Variants in SYNPO2 observed in about 807,000 individuals in gnomAD.
SYNPO2 encodes the protein synaptopodin 2, also known as synaptopodin-2.
A neutral mutation model predicts 85.0 loss-of-function variants in SYNPO2; 56 were observed. That is an observed-to-expected ratio of 0.66 (90% confidence interval 0.53 to 0.82). The LOEUF (loss-of-function observed/expected upper bound fraction) is 0.82, where lower values mean the gene tolerates loss of function less well. Among genes scored for constraint, SYNPO2 ranks in the 40% least tolerant of loss-of-function variants. The pLI, the probability that SYNPO2 is intolerant of heterozygous loss-of-function variation, is 0.00. For synonymous variants in SYNPO2, 602 were observed against 591.1 expected, an observed-to-expected ratio of 1.02 and a Z score of -0.27; for missense variants, 1,575 against 1,534.2, an observed-to-expected ratio of 1.03 and a Z score of -0.44.
intron 1 of SYNPO2, among the ~76,000 whole-genome samples, chr4:118,900,703 C>CTCTCTCTCTCTCTCTCTATA (rs1277981772): frequency 2.3e-5 from 1 of 43,892 alleles, no homozygotes; most frequent in African/African-American, 7.9e-5. Context: ...CTCTCTCTCT[C>CTCTCTCTCTCTCTCTCTATA]TATATATATA....
intron 1 of SYNPO2, among the ~76,000 whole-genome samples, chr4:118,875,442 G>C (rs909762001): frequency 2.0e-5 from 3 of 151,936 alleles, no homozygotes; most frequent in Admixed American, 1.3e-4. Context: ...TCATTGGATT[G>C]TACACAACAT....
intron 1 of SYNPO2, among the ~76,000 whole-genome samples, chr4:119,020,494 A>C (rs1346507702): frequency 6.6e-6 from 1 of 152,182 alleles, no homozygotes; most frequent in Non-Finnish European, 1.5e-5. Flanking sequence ...TTATTTTTAA[A>C]GAATCAATTT....
intron 1 of SYNPO2, among the ~76,000 whole-genome samples, chr4:118,981,528 A>G (rs965672902): frequency 2.6e-5 from 4 of 152,182 alleles, no homozygotes; most frequent in Non-Finnish European, 5.9e-5. Flanking sequence ...GGCCACATGG[A>G]AGAGTTGAAT....
chr4:118,871,789 T>TA (rs1238834763), intron 1 of SYNPO2, among the ~76,000 whole-genome samples: 1 of 152,156 alleles, frequency 6.6e-6, no homozygotes, highest in Non-Finnish European at 1.5e-5. Flanking sequence ...CAGGATGATC[T>TA]CGATCTCCTG....
At chr4:118,976,558 C>T (rs577069017) in intron 1 of SYNPO2, among the ~76,000 whole-genome samples, 1 of 152,282 alleles carries the variant, frequency 6.6e-6, no homozygotes, top group East Asian at 1.9e-4. Flanking sequence ...AGCCGAGTGG[C>T]CTGTTTTGTC....
chr4:118,968,651 G>C (rs973391080), intron 1 of SYNPO2, among the ~76,000 whole-genome samples: 3 of 152,230 alleles, frequency 2.0e-5, no homozygotes, highest in Non-Finnish European at 2.9e-5. Context: ...GGTTAAAAGA[G>C]CAGTGTCTTC....
intron 1 of SYNPO2, among the ~76,000 whole-genome samples, chr4:118,875,055 G>A (rs573652394): frequency 2.0e-4 from 31 of 152,246 alleles, no homozygotes; most frequent in Non-Finnish European, 2.8e-4. Flanking sequence ...CCCCCACCAC[G>A]TGTCCATATG....
At chr4:119,006,501 T>G (rs1181304419) in intron 1 of SYNPO2, 1 of 152,178 alleles carries the variant, frequency 6.6e-6, no homozygotes, top group African/African-American at 2.4e-5. Flanking sequence ...AAACTACAGC[T>G]GCCTTATAAA....
At chr4:118,883,557 C>T (rs1488635644) in intron 1 of SYNPO2, among the ~76,000 whole-genome samples, 2 of 152,072 alleles carry the variant, frequency 1.3e-5, no homozygotes, top group Non-Finnish European at 2.9e-5. Context: ...TAAATAATCA[C>T]TTGAGTGAAT....
At chr4:119,004,101 T>C (rs1163361582) in intron 1 of SYNPO2, among the ~76,000 whole-genome samples, 1 of 152,204 alleles carries the variant, frequency 6.6e-6, no homozygotes, top group Non-Finnish European at 1.5e-5. Context: ...ACCTTTACTG[T>C]TCCACAAATT....
chr4:118,860,787 C>A (rs1259183318), intron 1 of SYNPO2, among the ~76,000 whole-genome samples: 1 of 152,092 alleles, frequency 6.6e-6, no homozygotes, highest in Non-Finnish European at 1.5e-5. Context: ...GATCTCTTGA[C>A]CTCGTGACCC....
chr4:119,030,934 A>G lies in SYNPO2; in HGVS notation c.2159A>G (p.Lys720Arg), dbSNP rs774325398. Residue 720 changes from lysine to arginine, a missense_variant, in exon 4 of 5, where the codon AAA becomes AGA. Transcript: ENST00000307142. ...TCACTCCTTCAAAATTCAGAAGGCA[A>G]ACGGGGCACTGGAGCTGGAGGTGAT... The part of the protein sequence containing the change: ...LLSLLQNSEG[K>R]RGTGAGGDSG... 6.2e-7 allele frequency: 1 copy of G among 1,614,194 alleles called. No homozygotes were observed. The highest frequency in any genetic ancestry group is 8.5e-7 in the Non-Finnish European group (1 of 1,180,034).
At chr4:118,907,017 G>T (rs1268004205) in intron 1 of SYNPO2, among the ~76,000 whole-genome samples, 1 of 150,058 alleles carries the variant, frequency 6.7e-6, no homozygotes, top group Non-Finnish European at 1.5e-5. Flanking sequence ...GTCTCGCTTT[G>T]TTGCCAAGGC....
rs1206323980 is a variant in SYNPO2 at position 119,041,464 on chromosome 4, C to T, written c.3252+9437C>T. On this transcript the variant is annotated intron_variant, in intron 4 of 4. Coordinates refer to ENST00000307142, the MANE Select transcript of SYNPO2 (RefSeq NM_133477.3). Reference sequence around the variant, plus strand: ...CATTGCAATCCTTCCACAATTAGATCTTTGGTTTGGAGTTTTTTTTTTAAT... The same window carrying T: ...CATTGCAATCCTTCCACAATTAGATTTTTGGTTTGGAGTTTTTTTTTTAAT... Among the ~76,000 whole-genome samples, 7 of 151,806 alleles carry T rather than the reference C, an allele frequency of 4.6e-5. No individual in the cohort carries two copies. The South Asian group carries it at 1.0e-3, about 23-fold the overall frequency.
At chr4:119,020,758 A>G (rs1343994338) in intron 1 of SYNPO2, among the ~76,000 whole-genome samples, 7 of 152,200 alleles carry the variant, frequency 4.6e-5, no homozygotes, top group Non-Finnish European at 1.5e-5. Flanking sequence ...AATAAATTTC[A>G]GTAACTGAAA....
At chr4:119,012,595 G>A (rs1451598882) in intron 1 of SYNPO2, among the ~76,000 whole-genome samples, 1 of 151,864 alleles carries the variant, frequency 6.6e-6, no homozygotes, top group Non-Finnish European at 1.5e-5. Flanking sequence ...TTCCCCTCCT[G>A]TGTCCATGTG....
chr4:118,904,135 C>T lies in SYNPO2; in HGVS notation c.105+14994C>T, dbSNP rs1312078238. 3.3e-5 allele frequency among the ~76,000 whole-genome samples: 5 copies of T among 152,192 alleles called. No individual in the cohort carries two copies. In the East Asian group the frequency reaches 9.6e-4, roughly 29 times the overall value. On this transcript the variant is annotated intron_variant, in intron 1 of 4. Transcript: ENST00000307142. ...ATTAGTCTTTGTGCCTCAGTTTCCTCATTTGTAACATGGGGATAGTCATAA... is the reference window on the plus strand; with the variant it reads ...ATTAGTCTTTGTGCCTCAGTTTCCTTATTTGTAACATGGGGATAGTCATAA...
chr4:119,036,642 T>C (rs1738523695), intron 4 of SYNPO2: 1 of 985,360 alleles, frequency 1.0e-6, no homozygotes, highest in African/African-American at 1.7e-5. Context: ...CAGGTCATCC[T>C]ATGAGCGTCA....
At chr4:118,890,615 G>C (rs1732330908) in intron 1 of SYNPO2, among the ~76,000 whole-genome samples, 1 of 145,692 alleles carries the variant, frequency 6.9e-6, no homozygotes, top group African/African-American at 2.6e-5. Flanking sequence ...CTCTAGGTAT[G>C]AGATTTGGGT....
Sources: allele counts gnomAD v4.1 joint callset (sites outside exome capture counted in the v4.1 genomes callset), GRCh38; gene constraint gnomAD v4.1.1; transcripts MANE v1.5; gene names NCBI Gene and HGNC (gene_info 2026-07-23, HGNC 2026-07-21).